The following CADPS2 variants were observed in gnomAD, a reference collection of about 807,000 sequenced individuals.
CADPS2 encodes the protein calcium dependent secretion activator 2.
Under a neutral mutation model 172.5 loss-of-function variants are expected in CADPS2, and 93 were observed. The observed-to-expected ratio is 0.54, with a 90% CI of 0.46 to 0.64. The LOEUF (loss-of-function observed/expected upper bound fraction) is 0.64, where lower values mean the gene tolerates loss of function less well. Ranked by LOEUF, CADPS2 falls within the 30% of genes least tolerant of loss-of-function variation. The pLI is 0.00. For synonymous variants in CADPS2, 546 were observed against 555.2 expected (o/e 0.98, Z 0.23); for missense variants, 1,420 against 1,565.9 (o/e 0.91, Z 1.57).
intron 1 of CADPS2, among the ~76,000 whole-genome samples, chr7:122,831,352 C>A (rs1449570291): frequency 6.6e-6 from 1 of 152,108 alleles, no homozygotes; most frequent in Non-Finnish European, 1.5e-5. Flanking sequence ...GAAATGTAAC[C>A]CTATGTCATT....
intron 6 of CADPS2, among the ~76,000 whole-genome samples, chr7:122,607,985 G>A (rs1157499889): frequency 2.0e-5 from 3 of 152,088 alleles, no homozygotes; most frequent in Non-Finnish European, 4.4e-5. Context: ...TTGGGAGGGC[G>A]AGGTGGGTGG....
intron 1 of CADPS2, among the ~76,000 whole-genome samples, chr7:122,793,315 C>A (rs1450373026): frequency 6.6e-6 from 1 of 152,114 alleles, no homozygotes; most frequent in Non-Finnish European, 1.5e-5. Flanking sequence ...TGCTTCCATG[C>A]TGGGTGCATA....
At chr7:122,351,257 C>T (rs1170712573) in intron 27 of CADPS2, among the ~76,000 whole-genome samples, 1 of 150,766 alleles carries the variant, frequency 6.6e-6, no homozygotes, top group East Asian at 2.0e-4. Flanking sequence ...CCTGTAGTCC[C>T]AGCTACTTGG....
chr7:122,480,647 T>A (rs2057178811), intron 12 of CADPS2, among the ~76,000 whole-genome samples: 1 of 152,192 alleles, frequency 6.6e-6, no homozygotes, highest in African/African-American at 2.4e-5. Flanking sequence ...TGTGCCTGTA[T>A]GAATGGTAGA....
At chr7:122,858,904 A>G (rs1816119861) in intron 1 of CADPS2, among the ~76,000 whole-genome samples, 1 of 152,214 alleles carries the variant, frequency 6.6e-6, no homozygotes, top group African/African-American at 2.4e-5. Context: ...TGCCAGTAAA[A>G]TGTTAATATG....
chr7:122,632,319 C>A (rs79023629), intron 3 of CADPS2, among the ~76,000 whole-genome samples: 372 of 152,266 alleles, frequency 2.4e-3, no homozygotes, highest in Non-Finnish European at 4.4e-3. Flanking sequence ...TGGATTACCA[C>A]CCACAGAATA....
chr7:122,640,459 GCA>G (rs1433191656), intron 3 of CADPS2, among the ~76,000 whole-genome samples: 1 of 148,378 alleles, frequency 6.7e-6, no homozygotes, highest in African/African-American at 2.5e-5. Context: ...GGTTGTGTGT[GCA>G]CACACATATA....
chr7:122,761,263 T>A (rs548683972), intron 1 of CADPS2, among the ~76,000 whole-genome samples: 4 of 152,214 alleles, frequency 2.6e-5, no homozygotes, highest in African/African-American at 9.6e-5. Context: ...CCATACACAA[T>A]GTTAAAAAGA....
At chr7:122,564,009 A>G (rs2066086491) in intron 7 of CADPS2, among the ~76,000 whole-genome samples, 1 of 152,146 alleles carries the variant, frequency 6.6e-6, no homozygotes. Flanking sequence ...TGGATTAGGG[A>G]TGATCAACCA....
At chr7:122,803,005 T>G (rs2139995602) in intron 1 of CADPS2, among the ~76,000 whole-genome samples, 1 of 152,330 alleles carries the variant, frequency 6.6e-6, no homozygotes, top group Non-Finnish European at 1.5e-5. Flanking sequence ...TTTTCACATT[T>G]TCTAAAAAAA....
intron 1 of CADPS2, among the ~76,000 whole-genome samples, chr7:122,829,012 G>A (rs117603384): frequency 0.019 from 2,946 of 152,158 alleles, 38 homozygotes; most frequent in Non-Finnish European, 0.026. Flanking sequence ...TCATGTGTGC[G>A]AATGTTTTAA....
chr7:122,405,105 C>G (rs1167731570), intron 20 of CADPS2, among the ~76,000 whole-genome samples: 3 of 151,628 alleles, frequency 2.0e-5, no homozygotes, highest in Non-Finnish European at 4.4e-5. Flanking sequence ...ACAAAACAAA[C>G]AAACAAAAGT....
At chr7:122,871,426 A>C (rs971555452) in intron 1 of CADPS2, among the ~76,000 whole-genome samples, 2 of 152,022 alleles carry the variant, frequency 1.3e-5, no homozygotes, top group African/African-American at 4.8e-5. Context: ...AAAGCACAAC[A>C]AATACATGCA....
intron 1 of CADPS2, among the ~76,000 whole-genome samples, chr7:122,781,771 T>A (rs1792795961): frequency 6.6e-6 from 1 of 152,194 alleles, no homozygotes; most frequent in Non-Finnish European, 1.5e-5. Context: ...TTAGAAAATC[T>A]GATTTGAGTA....
intron 1 of CADPS2, among the ~76,000 whole-genome samples, chr7:122,858,712 T>C (rs1436554908): frequency 6.6e-6 from 1 of 152,194 alleles, no homozygotes; most frequent in African/African-American, 2.4e-5. Flanking sequence ...CATTTTAAAC[T>C]AAATATTTTC....
intron 2 of CADPS2, among the ~76,000 whole-genome samples, chr7:122,705,487 T>C (rs1331305438): frequency 7.9e-6 from 1 of 126,580 alleles, no homozygotes; most frequent in Non-Finnish European, 1.6e-5. Flanking sequence ...ATTTATATTA[T>C]ATATTATCTA....
chr7:122,479,091 C>T (rs2057013026), intron 12 of CADPS2, among the ~76,000 whole-genome samples: 1 of 151,960 alleles, frequency 6.6e-6, no homozygotes, highest in African/African-American at 2.4e-5. Context: ...AAAAAGGAGG[C>T]CATTTTTTAG....
intron 9 of CADPS2, among the ~76,000 whole-genome samples, chr7:122,502,250 G>C (rs1435545811): frequency 1.3e-5 from 2 of 151,936 alleles, no homozygotes; most frequent in Non-Finnish European, 2.9e-5. Flanking sequence ...TGTAATCTTT[G>C]GAGGTATTTA....
intron 14 of CADPS2, among the ~76,000 whole-genome samples, chr7:122,469,122 A>C (rs940710794): frequency 4.6e-5 from 7 of 152,236 alleles, no homozygotes; most frequent in African/African-American, 1.7e-4. Context: ...ACAGAATAAA[A>C]GTAACTATGG....
Sources: gnomAD v4.1 joint callset for allele counts (sites outside exome capture counted in the v4.1 genomes callset) on GRCh38, gnomAD v4.1.1 for gene constraint, MANE v1.5 for transcripts, NCBI Gene and HGNC (gene_info 2026-07-23, HGNC 2026-07-21) for gene names.